ROBO2: variants seen among roughly 807,000 people sequenced by gnomAD.
ROBO2 encodes roundabout homolog 2.
Under a neutral mutation model 160.8 loss-of-function variants are expected in ROBO2, and 53 were observed. The observed-to-expected ratio is 0.33, with a 90% CI of 0.26 to 0.41. The LOEUF is 0.41. Ranked by LOEUF, ROBO2 falls within the 10% of genes least tolerant of loss-of-function variation. ROBO2 has a pLI of 1.00. For synonymous variants in ROBO2, 664 were observed against 611.7 expected (o/e 1.09, Z -1.26); for missense variants, 1,577 against 1,722.4 (o/e 0.92, Z 1.49).
At chr3:77,214,066 G>A (rs554564676) in intron 2 of ROBO2, among the ~76,000 whole-genome samples, 1 of 152,264 alleles carries the variant, frequency 6.6e-6, no homozygotes, top group East Asian at 1.9e-4. Context: ...TTGATTTTGG[G>A]TGGAGAGTTC....
At chr3:75,907,069 G>A (rs1193236834) in intron 1 of ROBO2, 2 of 152,312 alleles carry the variant, frequency 1.3e-5, no homozygotes, top group Admixed American at 6.5e-5. Flanking sequence ...CCAAATTCAC[G>A]GAAGGTCTTG....
intron 2 of ROBO2, among the ~76,000 whole-genome samples, chr3:76,687,539 G>A (rs144286951): frequency 3.9e-5 from 6 of 152,016 alleles, no homozygotes; most frequent in Admixed American, 1.3e-4. Context: ...AATAAAACTC[G>A]AGAAAGAAAC....
Position 77,525,127 on chromosome 3 carries a change from C to T in ROBO2, c.934+2225C>T, listed in dbSNP as rs138031348. ...TGAAATGTGCAGCCTTTCTTTGGAT[C>T]GTTTTATTAGAACAGGGTCAACTGA... On this transcript the variant is annotated intron_variant, in intron 6 of 25. Transcript: ENST00000461745. Among the ~76,000 whole-genome samples, 53 of 150,958 alleles carry T rather than the reference C, an allele frequency of 3.5e-4. No homozygotes were observed. The South Asian group carries it at 8.3e-3, about 24-fold the overall frequency.
intron 2 of ROBO2, among the ~76,000 whole-genome samples, chr3:76,557,503 A>T (rs1459881879): frequency 2.0e-5 from 3 of 151,692 alleles, no homozygotes; most frequent in African/African-American, 7.3e-5. Context: ...TATCTTTCCT[A>T]TATACCATTA....
intron 2 of ROBO2, among the ~76,000 whole-genome samples, chr3:77,365,152 A>G (rs1170590980): frequency 7.3e-5 from 1 of 13,788 alleles, no homozygotes; most frequent in Non-Finnish European, 4.0e-4. Context: ...CATCTCAGGA[A>G]AAAAAAAAAA....
At chr3:76,080,208 CCTGA>C (rs993273590) in intron 2 of ROBO2, among the ~76,000 whole-genome samples, 13 of 152,278 alleles carry the variant, frequency 8.5e-5, no homozygotes, top group African/African-American at 2.9e-4. Context: ...AACACCCCTG[CCTGA>C]CTATCTGACC....
intron 2 of ROBO2, among the ~76,000 whole-genome samples, chr3:76,248,914 G>A (rs1222480984): frequency 6.6e-6 from 1 of 152,018 alleles, no homozygotes; most frequent in Non-Finnish European, 1.5e-5. Context: ...TGCTGTTTAC[G>A]CTGGTACTAG....
chr3:76,887,241 G>A (rs1031336341), intron 2 of ROBO2, among the ~76,000 whole-genome samples: 1 of 112,272 alleles, frequency 8.9e-6, no homozygotes, highest in Non-Finnish European at 1.7e-5. Flanking sequence ...GACATGATGA[G>A]AAAAGCACTG....
At chr3:76,175,755 C>T (rs1451270001) in intron 2 of ROBO2, among the ~76,000 whole-genome samples, 2 of 152,084 alleles carry the variant, frequency 1.3e-5, no homozygotes, top group African/African-American at 2.4e-5. Context: ...AAAACTTCTA[C>T]CGTGTGTGTT....
intron 2 of ROBO2, among the ~76,000 whole-genome samples, chr3:76,200,029 T>A (rs1702449167): frequency 6.6e-6 from 1 of 152,138 alleles, no homozygotes; most frequent in South Asian, 2.1e-4. Context: ...AAAAAACAAC[T>A]TTTTTCTCTA....
intron 2 of ROBO2, among the ~76,000 whole-genome samples, chr3:76,862,697 G>C (rs903212394): frequency 6.6e-6 from 1 of 152,014 alleles, no homozygotes; most frequent in Non-Finnish European, 1.5e-5. Context: ...CAGGGAGAAG[G>C]GTTGGGGAAT....
intron 5 of ROBO2, among the ~76,000 whole-genome samples, chr3:77,519,975 G>T (rs1404198204): frequency 6.6e-6 from 1 of 151,256 alleles, no homozygotes; most frequent in Non-Finnish European, 1.5e-5. Flanking sequence ...TAACCATTCT[G>T]ACTGGTGTGA....
chr3:76,887,777 T>G (rs2074023497), intron 2 of ROBO2, among the ~76,000 whole-genome samples: 1 of 152,168 alleles, frequency 6.6e-6, no homozygotes, highest in Non-Finnish European at 1.5e-5. Context: ...GAAGCCATAT[T>G]GAGCTCTTAA....
intron 2 of ROBO2, among the ~76,000 whole-genome samples, chr3:76,837,339 A>G (rs888763249): frequency 7.9e-5 from 12 of 151,938 alleles, no homozygotes; most frequent in Non-Finnish European, 1.8e-4. Flanking sequence ...AAATTAATCA[A>G]TAAGGAATTT....
chr3:77,408,551 A>G (rs896101577), intron 2 of ROBO2, among the ~76,000 whole-genome samples: 3 of 152,204 alleles, frequency 2.0e-5, no homozygotes, highest in Non-Finnish European at 2.9e-5. Context: ...GGGAACTTAC[A>G]TGGGTAAAAT....
intron 2 of ROBO2, among the ~76,000 whole-genome samples, chr3:76,513,894 T>C (rs1443462992): frequency 6.6e-6 from 1 of 152,202 alleles, no homozygotes; most frequent in Non-Finnish European, 1.5e-5. Context: ...ATGTAAGAAC[T>C]TTTTGAAAAA....
At chr3:76,187,589 T>C (rs1450919512) in intron 2 of ROBO2, among the ~76,000 whole-genome samples, 3 of 152,140 alleles carry the variant, frequency 2.0e-5, no homozygotes, top group African/African-American at 4.8e-5. Context: ...GTCTTTTCTC[T>C]TTCCTATTGT....
At chr3:77,199,238 G>A (rs1352457340) in intron 2 of ROBO2, among the ~76,000 whole-genome samples, 1 of 152,114 alleles carries the variant, frequency 6.6e-6, no homozygotes, top group Non-Finnish European at 1.5e-5. Context: ...TCATGCAATT[G>A]TTTTCCCTCT....
At chr3:77,024,012 C>T (rs1578327544) in intron 2 of ROBO2, among the ~76,000 whole-genome samples, 1 of 152,158 alleles carries the variant, frequency 6.6e-6, no homozygotes, top group Non-Finnish European at 1.5e-5. Context: ...ATTAGTATCA[C>T]ATTTTCTTCA....
Sources: allele counts gnomAD v4.1 joint callset (sites outside exome capture counted in the v4.1 genomes callset), GRCh38; gene constraint gnomAD v4.1.1; transcripts MANE v1.5; gene names NCBI Gene and HGNC (gene_info 2026-07-23, HGNC 2026-07-21).